The following ADAMTS17 variants were observed in gnomAD, a reference collection of about 807,000 sequenced individuals.
ADAMTS17 encodes ADAM metallopeptidase with thrombospondin type 1 motif 17, also known as A disintegrin and metalloproteinase with thrombospondin motifs 17.
A neutral mutation model predicts 141.5 loss-of-function variants in ADAMTS17; 113 were observed. The ratio of observed to expected loss-of-function variants is 0.80; its 90% CI spans 0.69 to 0.93. The LOEUF (loss-of-function observed/expected upper bound fraction) is 0.93, where lower values mean the gene tolerates loss of function less well. Among genes scored for constraint, ADAMTS17 ranks in the 40% least tolerant of loss-of-function variants. ADAMTS17 has a pLI of 0.00. For missense variants in ADAMTS17, 1,659 were observed against 1,517.9 expected, an observed-to-expected ratio of 1.09 and a Z score of -1.54; for synonymous variants, 768 against 630.6, an observed-to-expected ratio of 1.22 and a Z score of -3.27.
intron 20 of ADAMTS17, among the ~76,000 whole-genome samples, chr15:99,983,396 C>T (rs1198707255): frequency 6.6e-6 from 1 of 152,116 alleles, no homozygotes; most frequent in Non-Finnish European, 1.5e-5. Flanking sequence ...CCTGCCCCTG[C>T]CCCCCACCTG....
intron 17 of ADAMTS17, 83 bp from the exon 18 acceptor site, chr15:100,049,075 T>A: frequency 6.2e-7 from 1 of 1,603,144 alleles, no homozygotes; most frequent in African/African-American, 1.3e-5. Context: ...TGAAAGCATG[T>A]TTGGGTGCTG....
At chr15:100,054,131 C>T (rs566090035) in intron 15 of ADAMTS17, 77 bp from the exon 16 acceptor site, 20 of 1,571,838 alleles carry the variant, frequency 1.3e-5, no homozygotes, top group East Asian at 9.0e-5. Flanking sequence ...ACGGAATCTA[C>T]AGCCCCTGAG....
At chr15:99,984,771 G>A (rs1453130882) in intron 20 of ADAMTS17, among the ~76,000 whole-genome samples, 3 of 152,248 alleles carry the variant, frequency 2.0e-5, no homozygotes, top group Non-Finnish European at 4.4e-5. Context: ...TGACAAAAAA[G>A]CACTCCTTAG....
chr15:100,025,414 C>CTTTTT (rs530003718), intron 18 of ADAMTS17, among the ~76,000 whole-genome samples: 9 of 135,950 alleles, frequency 6.6e-5, no homozygotes, highest in Non-Finnish European at 9.6e-5. Flanking sequence ...CTTTTCTTTT[C>CTTTTT]TTTTTTTTTT....
intron 6 of ADAMTS17, among the ~76,000 whole-genome samples, chr15:100,260,017 C>G (rs28544884): frequency 0.041 from 6,239 of 152,034 alleles, 423 homozygotes; most frequent in African/African-American, 0.14. Flanking sequence ...GCTAATTTTT[C>G]TATTTTTAGT....
At chr15:100,196,738 C>CTGAG (rs1202382680) in intron 8 of ADAMTS17, among the ~76,000 whole-genome samples, 1 of 152,226 alleles carries the variant, frequency 6.6e-6, no homozygotes, top group Non-Finnish European at 1.5e-5. Flanking sequence ...GGTGGCTTTG[C>CTGAG]TGAGAGTGCA....
chr15:100,265,712 C>G (rs527893913), intron 4 of ADAMTS17, among the ~76,000 whole-genome samples: 16 of 152,342 alleles, frequency 1.1e-4, no homozygotes, highest in Non-Finnish European at 2.1e-4. Context: ...CAGAGCCACA[C>G]AGGGACCTGT....
At position 100,261,702 on chromosome 15, in the gene ADAMTS17, A is replaced by G; in HGVS notation, c.874-66T>C. ...GGAGGCCAGAGTTTATTTCCAGACT[A>G]TGACAAGGACGTTAAGGTGGAGGCA... On this transcript the variant is annotated intron_variant, in intron 5 of 21. Transcript: ENST00000268070. The G allele has an allele frequency of 1.9e-6, 3 of 1,550,296 alleles. No individual in the cohort carries two copies. In the South Asian group the frequency reaches 3.5e-5, roughly 18 times the overall value.
chr15:100,216,825 A>G (rs2041982995), intron 7 of ADAMTS17, among the ~76,000 whole-genome samples: 2 of 152,218 alleles, frequency 1.3e-5, no homozygotes, highest in African/African-American at 4.8e-5. Flanking sequence ...ATTTTGAGAT[A>G]GGTGAATTCA....
chr15:100,180,915 C>T (rs1186137605), intron 8 of ADAMTS17, among the ~76,000 whole-genome samples: 1 of 152,212 alleles, frequency 6.6e-6, no homozygotes, highest in African/African-American at 2.4e-5. Flanking sequence ...GCAAGTTCCC[C>T]TAGGCCCCAG....
chr15:100,323,915 C>T lies in ADAMTS17; in HGVS notation c.616+6974G>A, dbSNP rs1386380183. Reference sequence around the variant, plus strand: ...CAAAAAAACATGGAAAGGAAGGGGTCCCCTATGTCAGGTCAGTCTGGTGGT... The same window carrying T: ...CAAAAAAACATGGAAAGGAAGGGGTTCCCTATGTCAGGTCAGTCTGGTGGT... On this transcript the variant is annotated intron_variant, in intron 3 of 21. Coordinates refer to ENST00000268070, the MANE Select transcript of ADAMTS17 (RefSeq NM_139057.4). 2.0e-5 allele frequency among the ~76,000 whole-genome samples: 3 copies of T among 151,842 alleles called. No homozygotes were observed. The East Asian group carries it at 5.8e-4, about 29-fold the overall frequency.
chr15:99,976,375 CG>C, intron 20 of ADAMTS17, 153 bp from the exon 21 acceptor site: 1 of 993,060 alleles, frequency 1.0e-6, no homozygotes, highest in South Asian at 1.4e-5. Flanking sequence ...TGTGGCACTG[CG>C]GAGACAGGAC....
intron 3 of ADAMTS17, among the ~76,000 whole-genome samples, chr15:100,325,475 C>T (rs187075159): frequency 5.4e-4 from 82 of 152,258 alleles, no homozygotes; most frequent in African/African-American, 1.8e-3. Context: ...ACGGCCAATA[C>T]GGTTTGGATG....
At chr15:100,041,357 C>T (rs554027511) in intron 18 of ADAMTS17, among the ~76,000 whole-genome samples, 4 of 152,320 alleles carry the variant, frequency 2.6e-5, no homozygotes, top group African/African-American at 7.2e-5. Context: ...TTGGAATGGC[C>T]TTTTTCAAGT....
intron 10 of ADAMTS17, among the ~76,000 whole-genome samples, chr15:100,141,671 C>T (rs899727011): frequency 3.3e-5 from 5 of 152,192 alleles, no homozygotes; most frequent in Non-Finnish European, 7.3e-5. Flanking sequence ...GGGTTGGGGG[C>T]TGCCGGGTGA....
intron 3 of ADAMTS17, among the ~76,000 whole-genome samples, chr15:100,313,516 C>T (rs755047818): frequency 2.6e-4 from 40 of 152,118 alleles, no homozygotes; most frequent in Non-Finnish European, 4.1e-4. Flanking sequence ...AATCTGAGAC[C>T]GTTTGGGCAT....
At chr15:100,282,228 T>C (rs919177961) in intron 3 of ADAMTS17, among the ~76,000 whole-genome samples, 1 of 152,224 alleles carries the variant, frequency 6.6e-6, no homozygotes, top group Non-Finnish European at 1.5e-5. Context: ...CTCTCTCATT[T>C]GATAGTTATT....
intron 15 of ADAMTS17, among the ~76,000 whole-genome samples, chr15:100,093,348 C>T (rs1239288959): frequency 6.6e-6 from 1 of 152,152 alleles, no homozygotes; most frequent in Admixed American, 6.5e-5. Flanking sequence ...GGCAAAAATC[C>T]AGCATTTGAT....
chr15:100,069,081 AACT>A (rs2033776683), intron 15 of ADAMTS17, among the ~76,000 whole-genome samples: 1 of 152,382 alleles, frequency 6.6e-6, no homozygotes, highest in African/African-American at 2.4e-5. Context: ...AAGCCATGAG[AACT>A]ACGTGACGAA....
Sources: allele counts gnomAD v4.1 joint callset (sites outside exome capture counted in the v4.1 genomes callset), GRCh38; gene constraint gnomAD v4.1.1; transcripts MANE v1.5; gene names NCBI Gene and HGNC (gene_info 2026-07-23, HGNC 2026-07-21).